Variants in NPAS2 observed in about 807,000 individuals in gnomAD.
The protein encoded by NPAS2 is neuronal PAS domain protein 2.
A neutral mutation model predicts 107.5 loss-of-function variants in NPAS2; 23 were observed. That is an observed-to-expected ratio of 0.21 (90% CI 0.15 to 0.30). The LOEUF (loss-of-function observed/expected upper bound fraction) is 0.30. Ranked by LOEUF, NPAS2 falls within the 10% of genes least tolerant of loss-of-function variation. NPAS2 has a pLI of 1.00. For missense variants in NPAS2, 756 were observed against 1,043.3 expected (o/e 0.72, Z 3.79); for synonymous variants, 403 against 417.5 (o/e 0.97, Z 0.42).
intron 1 of NPAS2, among the ~76,000 whole-genome samples, chr2:100,894,489 G>A (rs1448723604): frequency 1.3e-5 from 2 of 152,302 alleles, no homozygotes; most frequent in East Asian, 3.9e-4. Context: ...AGTTCCCAAG[G>A]AGGAACTTCC....
At chr2:100,941,080 C>T (rs1436286554) in intron 5 of NPAS2, among the ~76,000 whole-genome samples, 1 of 152,152 alleles carries the variant, frequency 6.6e-6, no homozygotes, top group Non-Finnish European at 1.5e-5. Flanking sequence ...AGCCAGAATT[C>T]CTTCCCACTT....
chr2:100,942,647 T>C (rs12329378), intron 5 of NPAS2, among the ~76,000 whole-genome samples: 3,165 of 152,222 alleles, frequency 0.021, 75 homozygotes, highest in African/African-American at 0.055. Context: ...AAATAGAACA[T>C]GGCTGGGACC....
rs1678441371 is a variant in NPAS2 at position 100,996,315 on chromosome 2, AT to A, written c.*736del. ...TAGCCCCTAAATAAAACACTGGACT[AT>A]TTCCTGTTTACTTCATTGATTGCAA... On this transcript the variant is annotated 3_prime_UTR_variant, in exon 21 of 21. Transcript: ENST00000335681. 1 of 158,640 alleles carries A rather than the reference AT, an allele frequency of 6.3e-6. No homozygotes were observed. The allele number at this position is 158,640 out of a possible 1,614,324, so 9.8% of individuals were successfully genotyped here.
rs1383020059 is a variant in NPAS2 at position 100,873,295 on chromosome 2, TATATATATATATACACAC to T, written c.-22-31436_-22-31419del. Among the ~76,000 whole-genome samples the T allele has an allele frequency of 9.3e-3, 409 of 43,972 alleles. 7 individuals are homozygous for T. The highest frequency in any genetic ancestry group is 0.023 in the African/African-American group (335 of 14,364). The allele number at this position is 43,972 out of a possible 152,430, so 28.8% of individuals were successfully genotyped here. On this transcript the variant is annotated intron_variant, in intron 1 of 20. Transcript: ENST00000335681. ...AAATACATATATATATATATATATA[TATATATATATATACACAC>T]ACACACACACACACACACACACACA...
At chr2:100,858,933 G>C (rs377073103) in intron 1 of NPAS2, among the ~76,000 whole-genome samples, 3 of 152,096 alleles carry the variant, frequency 2.0e-5, no homozygotes, top group African/African-American at 7.2e-5. Flanking sequence ...CATAATCAAC[G>C]CCTCAAGAAT....
intron 1 of NPAS2, among the ~76,000 whole-genome samples, chr2:100,854,076 G>A (rs1014951058): frequency 6.6e-6 from 1 of 150,802 alleles, no homozygotes; most frequent in Non-Finnish European, 1.5e-5. Context: ...GTTGAGCCTG[G>A]GAGGTCAAGG....
At chr2:100,886,783 C>A (rs1680728183) in intron 1 of NPAS2, among the ~76,000 whole-genome samples, 1 of 152,114 alleles carries the variant, frequency 6.6e-6, no homozygotes, top group South Asian at 2.1e-4. Context: ...TGAACAAAGG[C>A]CAAGGGACAG....
chr2:100,944,820 C>A (rs1167742026), intron 5 of NPAS2, among the ~76,000 whole-genome samples: 2 of 152,082 alleles, frequency 1.3e-5, no homozygotes, highest in East Asian at 3.9e-4. Flanking sequence ...AACCCGTGTC[C>A]TGATATTGGC....
chr2:100,937,122 A>G (rs1373251367), intron 4 of NPAS2, among the ~76,000 whole-genome samples: 1 of 152,178 alleles, frequency 6.6e-6, no homozygotes. Context: ...TTTCAAATGC[A>G]TGGATTTTTC....
rs1361899016 is a variant in NPAS2 at position 100,995,531 on chromosome 2, A to C, written c.2424A>C (p.Arg808=). The change falls in exon 21 of 21, where the codon CGA becomes CGC. Residue 808 remains arginine, a synonymous_variant. Coordinates refer to ENST00000335681, the MANE Select transcript of NPAS2 (RefSeq NM_002518.4). ...PAQPQPLRPP[R]RVSSLSESSG... ...AGCCCCAGCCCCTACGTCCTCCCCG[A>C]AGGGTCAGCAGTCTGTCTGAGTCGT... The C allele has an allele frequency of 1.2e-6, 2 of 1,612,422 alleles. No homozygotes were observed. Among genetic ancestry groups the C allele is most frequent in the South Asian group, 2.2e-5 (2 of 90,898 alleles).
intron 1 of NPAS2, among the ~76,000 whole-genome samples, chr2:100,878,873 CT>C (rs1680150226): frequency 6.6e-6 from 1 of 152,148 alleles, no homozygotes; most frequent in African/African-American, 2.4e-5. Context: ...AATCCCAGCA[CT>C]TTGGGAGGCT....
chr2:100,977,802 G>A lies in NPAS2; in HGVS notation c.1482+3G>A, dbSNP rs373745260. 68 of 1,613,518 alleles carry A rather than the reference G, an allele frequency of 4.2e-5. No individual in the cohort carries two copies. Among genetic ancestry groups the A allele is most frequent in the Non-Finnish European group, 5.8e-5 (68 of 1,179,734 alleles). ...GCACGCCCGCTCCCATGGCACAGGT[G>A]AGTCTGGGACCCAGGAAAGGGCAGC... On this transcript the variant is annotated splice_donor_region_variant and intron_variant, in intron 15 of 20. Coordinates refer to ENST00000335681, the MANE Select transcript of NPAS2 (RefSeq NM_002518.4).
chr2:100,916,940 AG>A (rs1162330387), intron 2 of NPAS2, among the ~76,000 whole-genome samples: 1 of 152,244 alleles, frequency 6.6e-6, no homozygotes, highest in Admixed American at 6.5e-5. Context: ...TCAAAGAGAA[AG>A]TCTCAAGGAT....
chr2:100,916,727 G>A (rs932780452), intron 2 of NPAS2, among the ~76,000 whole-genome samples: 9 of 152,022 alleles, frequency 5.9e-5, no homozygotes, highest in Non-Finnish European at 1.2e-4. Flanking sequence ...AATCTGATTG[G>A]TATTTATACA....
chr2:100,822,208 A>G (rs1676112704), intron 1 of NPAS2, among the ~76,000 whole-genome samples: 1 of 152,230 alleles, frequency 6.6e-6, no homozygotes, highest in Non-Finnish European at 1.5e-5. Flanking sequence ...ATATGTTATT[A>G]ATAAAACGTT....
chr2:100,944,781 C>A (rs369442766), intron 5 of NPAS2, among the ~76,000 whole-genome samples: 1 of 152,126 alleles, frequency 6.6e-6, no homozygotes, highest in African/African-American at 2.4e-5. Context: ...CCCCTACTTG[C>A]ATCCAGCGTT....
intron 4 of NPAS2, among the ~76,000 whole-genome samples, chr2:100,936,113 C>T (rs940235637): frequency 6.6e-6 from 1 of 152,188 alleles, no homozygotes; most frequent in African/African-American, 2.4e-5. Flanking sequence ...CAGTCTAAAT[C>T]CTACCAGCTG....
intron 1 of NPAS2, among the ~76,000 whole-genome samples, chr2:100,875,350 T>C (rs567748701): frequency 7.9e-5 from 12 of 152,160 alleles, no homozygotes; most frequent in Non-Finnish European, 1.8e-4. Flanking sequence ...ATAGTGCAAA[T>C]GGACTTAATG....
chr2:100,989,979 C>G (rs1678017546), intron 17 of NPAS2: 1 of 418,344 alleles, frequency 2.4e-6, no homozygotes. Flanking sequence ...GCCAGGAGGG[C>G]CATGTGTCTG....
Sources: allele counts gnomAD v4.1 joint callset (sites outside exome capture counted in the v4.1 genomes callset), GRCh38; gene constraint gnomAD v4.1.1; transcripts MANE v1.5; gene names NCBI Gene and HGNC (gene_info 2026-07-23, HGNC 2026-07-21).